The following DCC variants were observed in gnomAD, a reference collection of about 807,000 sequenced individuals.
DCC encodes the protein DCC netrin 1 receptor.
DCC carries 58 observed loss-of-function variants against 172.5 expected under a neutral mutation model. That is an observed-to-expected ratio of 0.34 (90% CI 0.27 to 0.42). The LOEUF (loss-of-function observed/expected upper bound fraction) is 0.42, where lower values mean the gene tolerates loss of function less well. Ranked by LOEUF, DCC falls within the 10% of genes least tolerant of loss-of-function variation. DCC has a pLI of 1.00. For missense variants in DCC, 1,740 were observed against 1,791.0 expected (o/e 0.97, Z 0.51); for synonymous variants, 709 against 644.5 (o/e 1.10, Z -1.52).
intron 1 of DCC, among the ~76,000 whole-genome samples, chr18:52,504,436 G>A (rs1004037213): frequency 2.0e-5 from 3 of 152,096 alleles, no homozygotes; most frequent in Admixed American, 1.3e-4. Context: ...CAGGAAGCAA[G>A]TTCGTTCAGC....
chr18:53,262,715 A>G (rs1040715409), intron 12 of DCC, among the ~76,000 whole-genome samples: 2 of 152,206 alleles, frequency 1.3e-5, no homozygotes, highest in East Asian at 1.9e-4. Flanking sequence ...ATCAGAGGTT[A>G]TTTAGTTTTT....
intron 1 of DCC, among the ~76,000 whole-genome samples, chr18:52,434,981 T>C (rs1481630877): frequency 6.6e-6 from 1 of 152,246 alleles, no homozygotes; most frequent in African/African-American, 2.4e-5. Flanking sequence ...CGAGTAATCA[T>C]AGTGCCTCAC....
chr18:52,988,960 A>G (rs909898806), intron 5 of DCC, among the ~76,000 whole-genome samples: 1 of 151,430 alleles, frequency 6.6e-6, no homozygotes, highest in African/African-American at 2.5e-5. Context: ...TATCATTACT[A>G]CAATGTTCTA....
chr18:52,348,105 A>G (rs1331952934), intron 1 of DCC, among the ~76,000 whole-genome samples: 1 of 152,146 alleles, frequency 6.6e-6, no homozygotes, highest in Non-Finnish European at 1.5e-5. Flanking sequence ...TCTGACTTGC[A>G]ATTTTGCTGA....
intron 1 of DCC, among the ~76,000 whole-genome samples, chr18:52,723,139 G>A (rs980760791): frequency 2.0e-5 from 3 of 152,124 alleles, no homozygotes; most frequent in South Asian, 2.1e-4. Flanking sequence ...CTCACTCTCC[G>A]GAAATTCATA....
chr18:53,377,323 G>A (rs903570012), intron 15 of DCC, among the ~76,000 whole-genome samples: 4 of 148,750 alleles, frequency 2.7e-5, no homozygotes, highest in African/African-American at 1.0e-4. Flanking sequence ...TCCCATGGTG[G>A]AAGGCAGAAG....
chr18:52,723,031 A>G (rs1487801035), intron 1 of DCC, among the ~76,000 whole-genome samples: 7 of 152,168 alleles, frequency 4.6e-5, no homozygotes, highest in Admixed American at 3.9e-4. Context: ...GCATAGCTCT[A>G]TTGTCCTCTA....
chr18:52,956,674 A>G (rs1202369610), intron 5 of DCC, among the ~76,000 whole-genome samples: 3 of 152,148 alleles, frequency 2.0e-5, no homozygotes, highest in African/African-American at 4.8e-5. Context: ...TGGACTCTAT[A>G]GATCAAGTTG....
At chr18:52,395,535 C>A (rs976049606) in intron 1 of DCC, among the ~76,000 whole-genome samples, 136 of 152,038 alleles carry the variant, frequency 8.9e-4, no homozygotes, top group African/African-American at 3.1e-3. Flanking sequence ...GATACTCAGG[C>A]CAATAATTTA....
At chr18:53,525,376 C>T (rs781750547) in intron 27 of DCC, among the ~76,000 whole-genome samples, 46 of 152,112 alleles carry the variant, frequency 3.0e-4, no homozygotes, top group Admixed American at 1.8e-3. Flanking sequence ...AGAGGTACCA[C>T]GAACAGAATA....
intron 21 of DCC, among the ~76,000 whole-genome samples, chr18:53,432,501 A>C (rs1329315877): frequency 2.6e-5 from 4 of 152,064 alleles, no homozygotes; most frequent in African/African-American, 9.7e-5. Context: ...GCTGACTTTC[A>C]CTCCAGCTGT....
At chr18:53,483,074 T>C (rs2145214007) in intron 25 of DCC, among the ~76,000 whole-genome samples, 1 of 152,050 alleles carries the variant, frequency 6.6e-6, no homozygotes, top group Non-Finnish European at 1.5e-5. Flanking sequence ...GAAGTATCTC[T>C]AGCACTGTCC....
At chr18:53,054,238 C>T (rs1005500656) in intron 5 of DCC, among the ~76,000 whole-genome samples, 2 of 151,632 alleles carry the variant, frequency 1.3e-5, no homozygotes, top group Admixed American at 6.6e-5. Context: ...TATCTGCAGT[C>T]GGTTGAATCC....
chr18:53,072,379 A>G (rs1169375544), intron 7 of DCC, among the ~76,000 whole-genome samples: 1 of 152,176 alleles, frequency 6.6e-6, no homozygotes, highest in Non-Finnish European at 1.5e-5. Context: ...GATGGGGAGC[A>G]AGGCAGGAAC....
At chr18:52,637,822 G>A (rs1417845300) in intron 1 of DCC, among the ~76,000 whole-genome samples, 1 of 152,108 alleles carries the variant, frequency 6.6e-6, no homozygotes, top group African/African-American at 2.4e-5. Context: ...AAGAACACCC[G>A]AGAAATTCAT....
intron 1 of DCC, among the ~76,000 whole-genome samples, chr18:52,437,977 AT>A (rs1201616434): frequency 6.6e-6 from 1 of 152,134 alleles, no homozygotes; most frequent in Non-Finnish European, 1.5e-5. Flanking sequence ...GACTATCCCT[AT>A]TCACTCCTTT....
chr18:52,544,043 A>T (rs1275621171), intron 1 of DCC, among the ~76,000 whole-genome samples: 1 of 152,200 alleles, frequency 6.6e-6, no homozygotes, highest in African/African-American at 2.4e-5. Flanking sequence ...GATTAACAAA[A>T]CTGGCCACAG....
chr18:52,368,302 GTTTC>G (rs1394166499), intron 1 of DCC, among the ~76,000 whole-genome samples: 1 of 152,052 alleles, frequency 6.6e-6, no homozygotes, highest in Non-Finnish European at 1.5e-5. Flanking sequence ...ATGGGTCTGT[GTTTC>G]TTTCTATTTC....
chr18:52,345,913 T>A (rs1481468215), intron 1 of DCC, among the ~76,000 whole-genome samples: 3 of 152,152 alleles, frequency 2.0e-5, no homozygotes, highest in Non-Finnish European at 2.9e-5. Flanking sequence ...GAGACAGGAG[T>A]GAGCTCTATA....
Sources: gnomAD v4.1 joint callset for allele counts (sites outside exome capture counted in the v4.1 genomes callset) on GRCh38, gnomAD v4.1.1 for gene constraint, MANE v1.5 for transcripts, NCBI Gene and HGNC (gene_info 2026-07-23, HGNC 2026-07-21) for gene names.